RASEF: variants seen among roughly 807,000 people sequenced by gnomAD.
RASEF encodes ras and EF-hand domain-containing protein.
RASEF carries 68 observed loss-of-function variants against 90.1 expected under a neutral mutation model. The ratio of observed to expected loss-of-function variants is 0.75; its 90% CI spans 0.62 to 0.92. The LOEUF (loss-of-function observed/expected upper bound fraction) is 0.92. Among genes scored for constraint, RASEF ranks in the 40% least tolerant of loss-of-function variants. The probability of loss-of-function intolerance (pLI) is 0.00; values close to 1 mark genes in which losing one functional copy is unlikely to be tolerated. For missense variants in RASEF, 949 were observed against 937.2 expected (o/e 1.01, Z -0.16); for synonymous variants, 331 against 345.2 (o/e 0.96, Z 0.46).
At chr9:83,009,494 C>T in intron 6 of RASEF, 147 bp downstream of exon 6, 1 of 528,996 alleles carries the variant, frequency 1.9e-6, no homozygotes, top group Non-Finnish European at 3.3e-6. Flanking sequence ...CACTAGGAAA[C>T]CTGATACTGA....
chr9:83,130,754 A>G, the RASEF span, among the ~76,000 whole-genome samples: 2 of 152,226 alleles, frequency 1.3e-5, no homozygotes, highest in African/African-American at 2.4e-5. Flanking sequence ...AAGGAAACCA[A>G]TACCCAACCC....
intron 1 of RASEF, among the ~76,000 whole-genome samples, chr9:83,044,397 T>C (rs2118653466): frequency 6.6e-6 from 1 of 151,772 alleles, no homozygotes; most frequent in Admixed American, 6.6e-5. Flanking sequence ...TGATGAAGAG[T>C]GGGATTGTAG....
the RASEF span, among the ~76,000 whole-genome samples, chr9:83,097,592 G>C: frequency 6.6e-6 from 1 of 152,114 alleles, no homozygotes; most frequent in South Asian, 2.1e-4. Context: ...GTGGGCGAAG[G>C]ACATGAACAG....
At chr9:83,039,522 G>C (rs999680264) in intron 1 of RASEF, among the ~76,000 whole-genome samples, 12 of 152,304 alleles carry the variant, frequency 7.9e-5, no homozygotes, top group African/African-American at 2.6e-4. Context: ...CAGTGTGAAG[G>C]AGTGAGCAGC....
the RASEF span, among the ~76,000 whole-genome samples, chr9:83,173,900 T>C: frequency 1.3e-5 from 2 of 151,944 alleles, no homozygotes; most frequent in African/African-American, 2.4e-5. Context: ...TTTTTCGTTC[T>C]TGATACGGTG....
intron 1 of RASEF, among the ~76,000 whole-genome samples, chr9:83,037,354 GT>G (rs1363334140): frequency 1.3e-5 from 2 of 151,864 alleles, no homozygotes; most frequent in African/African-American, 4.8e-5. Context: ...GCACTGGTTT[GT>G]TTTTTTCCCC....
chr9:83,164,356 T>C, the RASEF span, among the ~76,000 whole-genome samples: 5 of 146,034 alleles, frequency 3.4e-5, no homozygotes, highest in Admixed American at 3.4e-4. Flanking sequence ...TGTATATATA[T>C]ATATATATAT....
In RASEF at chr9:83,025,924, G is replaced by A. The variant is rs1032898626; in HGVS notation, c.432-3C>T. 5.8e-6 allele frequency: 9 copies of A among 1,560,496 alleles called. No individual in the cohort carries two copies. Among genetic ancestry groups the A allele is most frequent in the Non-Finnish European group, 7.8e-6 (9 of 1,158,110 alleles). On this transcript the variant is annotated splice_polypyrimidine_tract_variant and splice_region_variant and intron_variant, in intron 1 of 16. Coordinates refer to ENST00000376447, the MANE Select transcript of RASEF (RefSeq NM_152573.4). ...ACAAGGTACTAACTTGCTCTTCTCT[G>A]CCAAATAAATAAATAAAAATTAAAC...
rs1009219054 is a variant in RASEF, at chr9:83,062,978, G to C, written c.-111C>G. 1.7e-6 allele frequency: 2 copies of C among 1,198,932 alleles called. No individual in the cohort carries two copies. Among genetic ancestry groups the C allele is most frequent in the Non-Finnish European group, 2.2e-6 (2 of 918,978 alleles). 74.3% of individuals were successfully genotyped at this position (1,198,932 alleles called of 1,614,324 possible). ...CCGGGAGGCCCGGCGAGTTTGGCTCGTCCGGCTGGTTCGGCCACTTGAGGG... is the reference window on the plus strand; with the variant it reads ...CCGGGAGGCCCGGCGAGTTTGGCTCCTCCGGCTGGTTCGGCCACTTGAGGG... On this transcript the variant is annotated 5_prime_UTR_variant, in exon 1 of 17. Coordinates refer to ENST00000376447, the MANE Select transcript of RASEF (RefSeq NM_152573.4).
At chr9:82,983,987 C>A (rs538330255) in intron 16 of RASEF, among the ~76,000 whole-genome samples, 58 of 152,328 alleles carry the variant, frequency 3.8e-4, no homozygotes, top group African/African-American at 1.4e-3. Context: ...CCTCTGCCAA[C>A]TGTGAGAAAT....
At chr9:83,015,324 T>G (rs914880228) in intron 4 of RASEF, among the ~76,000 whole-genome samples, 1 of 152,104 alleles carries the variant, frequency 6.6e-6, no homozygotes, top group African/African-American at 2.4e-5. Context: ...CAGAAAATAA[T>G]TATTAAATCT....
chr9:83,077,978 A>T, the RASEF span, among the ~76,000 whole-genome samples: 1 of 152,200 alleles, frequency 6.6e-6, no homozygotes, highest in African/African-American at 2.4e-5. Flanking sequence ...CCTTTATCTC[A>T]GAGTCAAAAA....
the RASEF span, among the ~76,000 whole-genome samples, chr9:83,214,767 C>T: frequency 2.0e-5 from 3 of 152,110 alleles, no homozygotes; most frequent in South Asian, 2.1e-4. Context: ...GTTCCTCCTT[C>T]GCCTTCCACC....
chr9:83,078,891 T>C, the RASEF span, among the ~76,000 whole-genome samples: 2 of 152,226 alleles, frequency 1.3e-5, no homozygotes, highest in Non-Finnish European at 2.9e-5. Context: ...CACTTTTTAA[T>C]GCAGTTGTTT....
the RASEF span, among the ~76,000 whole-genome samples, chr9:83,177,338 C>A: frequency 6.6e-6 from 1 of 152,116 alleles, no homozygotes; most frequent in African/African-American, 2.4e-5. Flanking sequence ...TCTAGAGTCA[C>A]TTACCCGAAG....
the RASEF span, among the ~76,000 whole-genome samples, chr9:83,089,933 GATAGATAGATAGAT>G: frequency 7.4e-5 from 11 of 149,122 alleles, no homozygotes; most frequent in African/African-American, 2.7e-4. Flanking sequence ...TAGATAGATA[GATAGATAGATAGAT>G]ATAGATATAT....
chr9:83,159,910 C>G, the RASEF span, among the ~76,000 whole-genome samples: 3 of 152,160 alleles, frequency 2.0e-5, no homozygotes, highest in Non-Finnish European at 4.4e-5. Flanking sequence ...GTGAGTCTTA[C>G]AAGGTCTGAT....
At position 83,031,315 on chromosome 9, in the gene RASEF, C is replaced by T. The variant is rs1369506124; in HGVS notation, c.432-5394G>A. Among the ~76,000 whole-genome samples, 10 of 152,192 alleles carry T rather than the reference C, an allele frequency of 6.6e-5. 1 individual carries two copies. The East Asian group carries it at 1.7e-3, about 26-fold the overall frequency. ...ATGAGCGGGTAAGTCTTAACAATCACTACCCACTCTTTTTTAGAAGGGAAC... is the reference window on the plus strand; with the variant it reads ...ATGAGCGGGTAAGTCTTAACAATCATTACCCACTCTTTTTTAGAAGGGAAC... On this transcript the variant is annotated intron_variant, in intron 1 of 16. Coordinates refer to ENST00000376447, the MANE Select transcript of RASEF (RefSeq NM_152573.4).
the RASEF span, among the ~76,000 whole-genome samples, chr9:83,129,710 G>A: frequency 1.3e-5 from 2 of 152,142 alleles, no homozygotes; most frequent in Non-Finnish European, 2.9e-5. Context: ...GGAAGTCACT[G>A]AAAAATTCTA....
Sources: gnomAD v4.1 joint callset for allele counts (sites outside exome capture counted in the v4.1 genomes callset) on GRCh38, gnomAD v4.1.1 for gene constraint, MANE v1.5 for transcripts, NCBI Gene and HGNC (gene_info 2026-07-23, HGNC 2026-07-21) for gene names.